ARHGAP22: variants seen among roughly 807,000 people sequenced by gnomAD.
ARHGAP22 encodes the protein Rho GTPase activating protein 22.
ARHGAP22 carries 48 observed loss-of-function variants against 59.1 expected under a neutral mutation model. That is an observed-to-expected ratio of 0.81 (90% CI 0.64 to 1.03). The LOEUF (loss-of-function observed/expected upper bound fraction) is 1.03, where lower values mean the gene tolerates loss of function less well. ARHGAP22 is among the 50% of genes least tolerant of loss of function. The pLI is 0.00. For missense variants in ARHGAP22, 1,015 were observed against 958.7 expected (o/e 1.06, Z -0.78); for synonymous variants, 445 against 416.4 (o/e 1.07, Z -0.84).
chr10:48,438,780 GAC>G, the ARHGAP22 span: 1 of 152,212 alleles, frequency 6.6e-6, no homozygotes, highest in African/African-American at 2.4e-5. Flanking sequence ...ATCAGTAAGA[GAC>G]ACGTGTAAAA....
intron 2 of ARHGAP22, among the ~76,000 whole-genome samples, chr10:48,560,671 C>G (rs2135385998): frequency 6.6e-6 from 1 of 152,202 alleles, no homozygotes; most frequent in East Asian, 1.9e-4. Context: ...TTTAAAGAAG[C>G]TCCTTTGTAT....
exon 1 of ARHGAP22, chr10:48,652,397 C>G (rs2136223508): frequency 1.1e-6 from 1 of 876,672 alleles, no homozygotes; most frequent in East Asian, 2.7e-5. Flanking sequence ...AGATCCACAT[C>G]TATAGAAAAG....
chr10:48,451,425 G>C (rs752129859), intron 8 of ARHGAP22: 1 of 703,804 alleles, frequency 1.4e-6, no homozygotes, highest in Non-Finnish European at 2.6e-6. Context: ...GGTGGGGTGA[G>C]GAAGCAGGCA....
intron 1 of ARHGAP22, 77 bp downstream of exon 1, chr10:48,604,686 C>T (rs1279337456): frequency 6.2e-7 from 1 of 1,610,170 alleles, no homozygotes; most frequent in Non-Finnish European, 8.5e-7. Context: ...CATGGCGTGA[C>T]GGCTGGCCAA....
chr10:48,631,834 C>A (rs563956990), intron 1 of ARHGAP22, among the ~76,000 whole-genome samples: 1 of 152,296 alleles, frequency 6.6e-6, no homozygotes, highest in Non-Finnish European at 1.5e-5. Context: ...GATGCTCTTT[C>A]TTTATGTAGA....
chr10:48,446,498 C>T lies in ARHGAP22; in HGVS notation c.1990G>A (p.Glu664Lys), dbSNP rs1437464876. The change falls in exon 10 of 10, where the codon GAG (glutamate) becomes AAG (lysine). Residue 664 changes from glutamate to lysine, a missense_variant. Physicochemically the swap from Glu to Lys is moderately conservative, Grantham distance 56 (BLOSUM62 1). Transcript: ENST00000249601. Reference protein sequence around the residue: ...IKLRNSERAREDAERRNQLLQ... With the variant: ...IKLRNSERARKDAERRNQLLQ... ...AGCTGGTTCCTCCTCTCCGCATCCT[C>T]CCGCGCCCGTTCAGAGTTCCGCAGC... The T allele has an allele frequency of 1.2e-6, 2 of 1,614,116 alleles. No individual in the cohort carries two copies. The highest frequency in any genetic ancestry group is 2.2e-5 in the East Asian group (1 of 44,900).
Position 48,580,481 on chromosome 10 carries a change from G to A in ARHGAP22, c.234+2472C>T, listed in dbSNP as rs1037015423. On this transcript the variant is annotated intron_variant, in intron 2 of 9. Coordinates refer to ENST00000249601, the MANE Select transcript of ARHGAP22 (RefSeq NM_021226.4). ...GGTGGCCTCAGGGTCATGAGCACCCGGGCTCTCCCAGCATCACAAAGTCCT... is the reference window on the plus strand; with the variant it reads ...GGTGGCCTCAGGGTCATGAGCACCCAGGCTCTCCCAGCATCACAAAGTCCT... 4.6e-5 allele frequency among the ~76,000 whole-genome samples: 7 copies of A among 152,166 alleles called. No homozygotes were observed. The East Asian group carries it at 5.8e-4, about 13-fold the overall frequency.
At chr10:48,499,922 A>G (rs762796455) in intron 3 of ARHGAP22, among the ~76,000 whole-genome samples, 136 of 152,382 alleles carry the variant, frequency 8.9e-4, no homozygotes, top group Non-Finnish European at 1.6e-3. Context: ...AATTTAACAC[A>G]ATATGAATAG....
chr10:48,587,569 T>C (rs1310548552), intron 1 of ARHGAP22, among the ~76,000 whole-genome samples: 1 of 152,228 alleles, frequency 6.6e-6, no homozygotes, highest in Non-Finnish European at 1.5e-5. Flanking sequence ...GCTGATGGGT[T>C]GGCTTAGGTC....
At chr10:48,545,586 A>G (rs1246157341) in intron 3 of ARHGAP22, among the ~76,000 whole-genome samples, 1 of 152,232 alleles carries the variant, frequency 6.6e-6, no homozygotes, top group Non-Finnish European at 1.5e-5. Context: ...ATAGGCCGGT[A>G]TCAGCATCCT....
chr10:48,596,750 G>A (rs1325790072), intron 1 of ARHGAP22, among the ~76,000 whole-genome samples: 3 of 152,156 alleles, frequency 2.0e-5, no homozygotes, highest in South Asian at 2.1e-4. Context: ...TGTCTCTCTC[G>A]TGGCTCCTTG....
chr10:48,463,173 G>A (rs965771462), intron 4 of ARHGAP22, among the ~76,000 whole-genome samples: 1 of 152,206 alleles, frequency 6.6e-6, no homozygotes, highest in African/African-American at 2.4e-5. Context: ...TAGCATCTGT[G>A]CCCTTTTGAT....
chr10:48,504,255 A>G (rs1408547359), intron 3 of ARHGAP22, among the ~76,000 whole-genome samples: 1 of 152,220 alleles, frequency 6.6e-6, no homozygotes, highest in Admixed American at 6.5e-5. Flanking sequence ...CCCACTCTCC[A>G]GAGGGCTGGA....
the ARHGAP22 span, chr10:48,436,076 A>AT: frequency 1.3e-5 from 2 of 152,198 alleles, no homozygotes; most frequent in Non-Finnish European, 2.9e-5. Flanking sequence ...TAGCATAATC[A>AT]TTTATACGAG....
chr10:48,628,614 C>A (rs934290426), intron 1 of ARHGAP22, among the ~76,000 whole-genome samples: 2 of 152,176 alleles, frequency 1.3e-5, no homozygotes, highest in African/African-American at 4.8e-5. Flanking sequence ...GCTTTCAAGG[C>A]ATTTGATTCC....
chr10:48,444,374 C>T (rs1035564350), downstream of ARHGAP22: 5 of 152,196 alleles, frequency 3.3e-5, no homozygotes, highest in African/African-American at 1.2e-4. Context: ...ACAGTCAAGT[C>T]AGATGTTTTA....
intron 2 of ARHGAP22, among the ~76,000 whole-genome samples, chr10:48,581,141 A>G (rs996409992): frequency 6.6e-6 from 1 of 152,166 alleles, no homozygotes. Flanking sequence ...TCTCACCTGA[A>G]CCAACCAATC....
At chr10:48,630,644 A>G (rs1321481437) in intron 1 of ARHGAP22, among the ~76,000 whole-genome samples, 1 of 152,190 alleles carries the variant, frequency 6.6e-6, no homozygotes, top group African/African-American at 2.4e-5. Flanking sequence ...TTAACCTTAT[A>G]TCCTGTGACT....
chr10:48,486,991 C>T (rs755491620), intron 3 of ARHGAP22, among the ~76,000 whole-genome samples: 1 of 152,178 alleles, frequency 6.6e-6, no homozygotes, highest in Non-Finnish European at 1.5e-5. Context: ...TACTGTTTCA[C>T]TAGTTATGGG....
Sources: allele counts gnomAD v4.1 joint callset (sites outside exome capture counted in the v4.1 genomes callset), GRCh38; gene constraint gnomAD v4.1.1; transcripts MANE v1.5; gene names NCBI Gene and HGNC (gene_info 2026-07-23, HGNC 2026-07-21).